FDCSP: variants seen among roughly 807,000 people sequenced by gnomAD.
The protein encoded by FDCSP is follicular dendritic cell secreted peptide.
Under a neutral mutation model 8.9 loss-of-function variants are expected in FDCSP, and 8 were observed. The observed-to-expected ratio is 0.90, with a 90% confidence interval of 0.53 to 1.63. The LOEUF (loss-of-function observed/expected upper bound fraction) is 1.63, where lower values mean the gene tolerates loss of function less well. FDCSP is among the 40% of genes most tolerant of loss of function. FDCSP has a pLI of 0.00. For missense variants in FDCSP, 101 were observed against 103.6 expected (o/e 0.98, Z 0.11); for synonymous variants, 34 against 34.5 (o/e 0.98, Z 0.06).
In FDCSP at chr4:70,234,129, A is replaced by G; in HGVS notation, c.200A>G (p.Asn67Ser). Residue 67 changes from asparagine (N) to serine (S), a missense_variant, in exon 4 of 5, where the codon AAT becomes AGT. Transcript: ENST00000317987. Reference sequence around the variant, plus strand: ...CCAAGATTTCCATGGTTTAGACGTAATTTTCCTATTCCAATACCTGAATCT... The same window carrying G: ...CCAAGATTTCCATGGTTTAGACGTAGTTTTCCTATTCCAATACCTGAATCT... ...PFPRFPWFRRNFPIPIPESAP... is the reference protein window; with the variant it reads ...PFPRFPWFRRSFPIPIPESAP... 2 of 1,611,132 alleles carry G rather than the reference A, an allele frequency of 1.2e-6. No individual in the cohort carries two copies. The highest frequency in any genetic ancestry group is 8.5e-7 in the Non-Finnish European group (1 of 1,178,242).
intron 1 of FDCSP, 34 bp from the exon 2 acceptor site, chr4:70,231,161 G>C (rs949918194): frequency 4.5e-6 from 7 of 1,547,200 alleles, no homozygotes; most frequent in Admixed American, 1.8e-5. Flanking sequence ...TAAAATGAAA[G>C]TTCTTCTTAT....
chr4:70,229,554 T>C (rs1447699161), intron 1 of FDCSP, among the ~76,000 whole-genome samples: 2 of 151,876 alleles, frequency 1.3e-5, no homozygotes, highest in Non-Finnish European at 2.9e-5. Flanking sequence ...TGATGTAAAG[T>C]AGGAGACATG....
intron 1 of FDCSP, among the ~76,000 whole-genome samples, chr4:70,229,552 A>G (rs180851474): frequency 5.9e-5 from 9 of 151,814 alleles, no homozygotes; most frequent in Admixed American, 3.3e-4. Context: ...TTTGATGTAA[A>G]GTAGGAGACA....
At chr4:70,234,263 G>T (rs1296097892) in intron 4 of FDCSP, 48 bp downstream of exon 4, 2 of 1,407,444 alleles carry the variant, frequency 1.4e-6, no homozygotes, top group African/African-American at 3.0e-5. Flanking sequence ...TTTGCAGATT[G>T]GAATCCATAA....
chr4:70,230,745 T>C (rs367747426), intron 1 of FDCSP, among the ~76,000 whole-genome samples: 1 of 151,728 alleles, frequency 6.6e-6, no homozygotes, highest in South Asian at 2.1e-4. Flanking sequence ...TGTTGAACTC[T>C]CTGAGATCAC....
At chr4:70,229,978 G>A (rs1730052735) in intron 1 of FDCSP, among the ~76,000 whole-genome samples, 1 of 151,616 alleles carries the variant, frequency 6.6e-6, no homozygotes, top group Admixed American at 6.6e-5. Flanking sequence ...TGATAGACTT[G>A]CTCGATGCCG....
intron 3 of FDCSP, among the ~76,000 whole-genome samples, chr4:70,233,754 T>C (rs1314568788): frequency 6.6e-6 from 1 of 151,540 alleles, no homozygotes; most frequent in African/African-American, 2.4e-5. Flanking sequence ...ACCACATTCA[T>C]CTTGGCCTTG....
At chr4:70,233,668 A>G (rs1341216339) in intron 3 of FDCSP, among the ~76,000 whole-genome samples, 6 of 151,684 alleles carry the variant, frequency 4.0e-5, no homozygotes, top group Non-Finnish European at 7.4e-5. Flanking sequence ...AATGAAAGAG[A>G]GAAGTTGTTT....
rs201136432 is a variant in FDCSP, at chr4:70,234,081, G to T, written c.152G>T (p.Arg51Leu). The change falls in exon 4 of 5, where the codon CGC becomes CTC. Residue 51 changes from arginine to leucine, a missense_variant. Coordinates refer to ENST00000317987, the MANE Select transcript of FDCSP (RefSeq NM_152997.4). ...GTGTTCCCTTACCCATATCCATTTC[G>T]CCCACTTCCACCAATTCCATTTCCA... is the stretch of plus-strand genomic sequence containing the variant. The part of the protein sequence containing the change: ...FFVFPYPYPF[R>L]PLPPIPFPRF... 2.2e-4 allele frequency: 358 copies of T among 1,610,770 alleles called. No homozygotes were observed. Among genetic ancestry groups the T allele is most frequent in the South Asian group, 1.3e-3 (116 of 90,908 alleles).
At chr4:70,227,804 T>C (rs1437049102) in intron 1 of FDCSP, among the ~76,000 whole-genome samples, 2 of 151,830 alleles carry the variant, frequency 1.3e-5, no homozygotes, top group South Asian at 4.1e-4. Flanking sequence ...CAGCATTGTA[T>C]GTTAAGTGTA....
At chr4:70,235,014 C>T (rs1730152272) in intron 4 of FDCSP, 71 bp from the exon 5 acceptor site, 1 of 151,492 alleles carries the variant, frequency 6.6e-6, no homozygotes, top group Admixed American at 6.6e-5. Flanking sequence ...CATTAAAATG[C>T]AGAAAATGTA....
At chr4:70,231,673 G>C (rs1309076984) in intron 2 of FDCSP, among the ~76,000 whole-genome samples, 1 of 151,676 alleles carries the variant, frequency 6.6e-6, no homozygotes, top group East Asian at 1.9e-4. Context: ...TTACTGGTTT[G>C]TGTATTAATT....
At chr4:70,230,850 T>C (rs895605094) in intron 1 of FDCSP, among the ~76,000 whole-genome samples, 5 of 151,878 alleles carry the variant, frequency 3.3e-5, no homozygotes, top group South Asian at 2.1e-4. Context: ...TATGTAGAAG[T>C]GTTATTCTTT....
In FDCSP at chr4:70,232,681, C is replaced by T. The variant is rs373992841; in HGVS notation, c.58-313C>T. ...ATTCTGTAAGAATACCTAACACACA[C>T]GCTGTATTCTGTAAGAATACCTAAC... On this transcript the variant is annotated intron_variant, in intron 2 of 4. Coordinates refer to ENST00000317987, the MANE Select transcript of FDCSP (RefSeq NM_152997.4). Among the ~76,000 whole-genome samples, 22 of 151,638 alleles carry T rather than the reference C, an allele frequency of 1.5e-4. No individual in the cohort carries two copies. In the East Asian group the frequency reaches 1.8e-3, roughly 12 times the overall value.
intron 4 of FDCSP, among the ~76,000 whole-genome samples, chr4:70,234,859 A>C (rs1399563892): frequency 6.6e-6 from 1 of 150,898 alleles, no homozygotes; most frequent in African/African-American, 2.4e-5. Context: ...ATCTTATCTA[A>C]GATTAAATTA....
chr4:70,233,099 G>T lies in FDCSP; in HGVS notation c.90+73G>T. On this transcript the variant is annotated intron_variant, in intron 3 of 4. Transcript: ENST00000317987. ...ATTCATAACTATTGTTAAAGATATT[G>T]ATTTATCTAAACCTCCCAAACTGTG... The T allele has an allele frequency of 2.2e-6, 3 of 1,339,062 alleles. No homozygotes were observed. In the South Asian group the frequency reaches 4.0e-5, roughly 18 times the overall value. The allele number at this position is 1,339,062 out of a possible 1,614,324, so 82.9% of individuals were successfully genotyped here.
chr4:70,229,411 TA>T (rs1446596392), intron 1 of FDCSP, among the ~76,000 whole-genome samples: 1 of 151,854 alleles, frequency 6.6e-6, no homozygotes, highest in Non-Finnish European at 1.5e-5. Context: ...GTGTTCATTG[TA>T]GTAGCACTTT....
Position 70,226,630 on chromosome 4 carries a change from C to A in FDCSP, c.-1+448C>A, listed in dbSNP as rs550146548. ...ATCTTTAAAATATATACAGTACTTA[C>A]ATTCCATTCCATAACATTTTATGTT... On this transcript the variant is annotated intron_variant, in intron 1 of 4. Coordinates refer to ENST00000317987, the MANE Select transcript of FDCSP (RefSeq NM_152997.4). Among the ~76,000 whole-genome samples, 224 of 152,050 alleles carry A rather than the reference C, an allele frequency of 1.5e-3. 2 individuals are homozygous for A. Among genetic ancestry groups the A allele is most frequent in the African/African-American group, 5.2e-3 (215 of 41,546 alleles).
At chr4:70,233,916 G>A (rs1180957368) in intron 3 of FDCSP, 104 bp from the exon 4 acceptor site, 3 of 1,037,858 alleles carry the variant, frequency 2.9e-6, no homozygotes, top group Non-Finnish European at 4.2e-6. Flanking sequence ...AGCTTCTAAA[G>A]CCTCTTCCTA....
Sources: allele counts gnomAD v4.1 joint callset (sites outside exome capture counted in the v4.1 genomes callset), GRCh38; gene constraint gnomAD v4.1.1; transcripts MANE v1.5; gene names NCBI Gene and HGNC (gene_info 2026-07-23, HGNC 2026-07-21).